ST13: variants seen among roughly 807,000 people sequenced by gnomAD.
ST13 encodes the protein hsc70-interacting protein.
ST13 carries 23 observed loss-of-function variants against 56.7 expected under a neutral mutation model. That is an observed-to-expected ratio of 0.41 (90% CI 0.29 to 0.57). The LOEUF is 0.57. ST13 is among the 20% of genes least tolerant of loss of function. The probability of loss-of-function intolerance (pLI) is 0.36; values close to 1 mark genes in which losing one functional copy is unlikely to be tolerated. For missense variants in ST13, 369 were observed against 459.9 expected, an observed-to-expected ratio of 0.80 and a Z score of 1.81; for synonymous variants, 132 against 142.4, an observed-to-expected ratio of 0.93 and a Z score of 0.52.
chr22:40,840,325 TCTA>T (rs939709897), intron 5 of ST13, among the ~76,000 whole-genome samples: 9 of 151,960 alleles, frequency 5.9e-5, no homozygotes, highest in South Asian at 2.1e-4. Flanking sequence ...GGGTCACTGT[TCTA>T]CTACTACTTT....
Position 40,826,961 on chromosome 22 carries a change from C to T in ST13, c.981+135G>A, listed in dbSNP as rs1183156206. 17 of 1,056,932 alleles carry T rather than the reference C, an allele frequency of 1.6e-5. No homozygotes were observed. The African/African-American group carries it at 2.4e-4, about 15-fold the overall frequency. The allele number at this position is 1,056,932 out of a possible 1,614,324, so 65.5% of individuals were successfully genotyped here. On this transcript the variant is annotated intron_variant, in intron 11 of 11. Transcript: ENST00000216218. ...CACTCTGCATAAAGAAAATAAATGT[C>T]ACTCTTGCATAATTAGCTATTTGGT...
intron 9 of ST13, 85 bp downstream of exon 9, chr22:40,830,755 A>C: frequency 1.3e-6 from 1 of 752,870 alleles, no homozygotes; most frequent in South Asian, 1.9e-5. Context: ...TAAATAAAAG[A>C]GCCAGGAATT....
At chr22:40,834,560 TA>T (rs1602652411) in intron 7 of ST13, among the ~76,000 whole-genome samples, 1 of 152,218 alleles carries the variant, frequency 6.6e-6, no homozygotes, top group East Asian at 1.9e-4. Flanking sequence ...TCATGATTTT[TA>T]AAATGTTTTT....
At chr22:40,829,335 C>T (rs2057743230) in intron 10 of ST13, among the ~76,000 whole-genome samples, 2 of 152,180 alleles carry the variant, frequency 1.3e-5, no homozygotes, top group South Asian at 2.1e-4. Flanking sequence ...CTTCTGCGTG[C>T]CTTTTCCGTC....
intron 5 of ST13, among the ~76,000 whole-genome samples, chr22:40,836,311 C>T (rs547258207): frequency 7.2e-5 from 11 of 152,124 alleles, no homozygotes; most frequent in Non-Finnish European, 1.0e-4. Context: ...ATTAGCTGGG[C>T]GTGGGGGCGG....
chr22:40,838,011 T>C (rs138437897), intron 5 of ST13, among the ~76,000 whole-genome samples: 2 of 152,328 alleles, frequency 1.3e-5, no homozygotes, highest in Non-Finnish European at 2.9e-5. Flanking sequence ...AATCTGTATC[T>C]TCCCAACTAA....
chr22:40,837,905 C>T (rs933620097), intron 5 of ST13, among the ~76,000 whole-genome samples: 1 of 152,198 alleles, frequency 6.6e-6, no homozygotes, highest in Non-Finnish European at 1.5e-5. Flanking sequence ...GCTTCGGCCC[C>T]TCAAAGTGCT....
chr22:40,832,001 C>G, intron 8 of ST13: 1 of 325,186 alleles, frequency 3.1e-6, no homozygotes, highest in South Asian at 2.5e-5. Context: ...TACGTAGGCG[C>G]ATGCCACCAC....
intron 7 of ST13, among the ~76,000 whole-genome samples, chr22:40,834,763 G>A (rs1342024395): frequency 6.6e-6 from 1 of 152,194 alleles, no homozygotes; most frequent in African/African-American, 2.4e-5. Flanking sequence ...GGACTAATGG[G>A]ATTTCAAAAG....
chr22:40,836,003 A>G lies in ST13; in HGVS notation c.383-116T>C, dbSNP rs140242708. ...TTTTTCTTTTAATCAAGTAAAAATA[A>G]AAAAGACAACTAAGTTATACTAAAA... On this transcript the variant is annotated intron_variant, in intron 5 of 11. Transcript: ENST00000216218. 338 of 812,366 alleles carry G rather than the reference A, an allele frequency of 4.2e-4. 1 individual carries two copies. The African/African-American group carries it at 4.4e-3, about 11-fold the overall frequency. The allele number at this position is 812,366 out of a possible 1,614,324, so 50.3% of individuals were successfully genotyped here.
intron 2 of ST13, 46 bp downstream of exon 2, chr22:40,850,777 C>G: frequency 1.4e-6 from 2 of 1,445,798 alleles, no homozygotes; most frequent in Non-Finnish European, 1.9e-6. Context: ...CCTAAGAAAT[C>G]TTATAGTACT....
intron 5 of ST13, 118 bp downstream of exon 5, chr22:40,840,508 A>G: frequency 1.2e-6 from 1 of 804,370 alleles, no homozygotes. Flanking sequence ...GGATAATAGG[A>G]CACTATCTTC....
intron 7 of ST13, 158 bp downstream of exon 7, chr22:40,835,402 G>T: frequency 2.2e-5 from 11 of 491,302 alleles, no homozygotes; most frequent in Admixed American, 6.7e-5. Context: ...TACCTTTTAA[G>T]CAGCTGTCTA....
intron 4 of ST13, among the ~76,000 whole-genome samples, chr22:40,844,260 A>G (rs1265155797): frequency 1.3e-5 from 2 of 152,196 alleles, no homozygotes; most frequent in Non-Finnish European, 2.9e-5. Flanking sequence ...GATAATATCA[A>G]GTTTTGAGGA....
chr22:40,832,008 C>T (rs2057756150), intron 8 of ST13: 1 of 333,524 alleles, frequency 3.0e-6, no homozygotes, highest in Non-Finnish European at 6.0e-6. Flanking sequence ...GCGCATGCCA[C>T]CACACCTGGC....
rs1329565945 is a variant in ST13 at position 40,832,345 on chromosome 22, CCAAA to C, written c.681+220_681+223del. On this transcript the variant is annotated intron_variant, in intron 8 of 11. Transcript: ENST00000216218. Reference sequence around the variant, plus strand: ...CTGGTTATAATTCCACTGCAGGCTTCCAAACAAAGTAACAGAGTTTGCTCTAATA... The same window carrying C: ...CTGGTTATAATTCCACTGCAGGCTTCCAAAGTAACAGAGTTTGCTCTAATA... The C allele has an allele frequency of 1.9e-5, 10 of 538,202 alleles. No individual in the cohort carries two copies. The East Asian group carries it at 2.6e-4, about 14-fold the overall frequency. The allele number at this position is 538,202 out of a possible 1,614,324, so 33.3% of individuals were successfully genotyped here.
intron 5 of ST13, among the ~76,000 whole-genome samples, chr22:40,838,020 A>ACC (rs1382875711): frequency 2.0e-5 from 3 of 152,206 alleles, no homozygotes; most frequent in African/African-American, 7.2e-5. Flanking sequence ...CTTCCCAACT[A>ACC]AACAAATGGC....
At chr22:40,840,528 G>T (rs1218340147) in intron 5 of ST13, 98 bp downstream of exon 5, 2 of 1,035,504 alleles carry the variant, frequency 1.9e-6, no homozygotes, top group Non-Finnish European at 3.0e-6. Context: ...CTCCAGTATA[G>T]GACAGGTACA....
At chr22:40,835,505 A>G in intron 7 of ST13, 55 bp downstream of exon 7, 1 of 1,466,524 alleles carries the variant, frequency 6.8e-7, no homozygotes, top group Non-Finnish European at 9.5e-7. Flanking sequence ...AAGCATCTTA[A>G]AACATCAGAT....
Sources: gnomAD v4.1 joint callset for allele counts (sites outside exome capture counted in the v4.1 genomes callset) on GRCh38, gnomAD v4.1.1 for gene constraint, MANE v1.5 for transcripts, NCBI Gene and HGNC (gene_info 2026-07-23, HGNC 2026-07-21) for gene names.